Variants in ACSM1 observed in about 807,000 individuals in gnomAD.
ACSM1 encodes the protein acyl-CoA synthetase medium chain family member 1, also known as acyl-coenzyme A synthetase ACSM1, mitochondrial.
A neutral mutation model predicts 75.8 loss-of-function variants in ACSM1; 79 were observed. The observed-to-expected ratio is 1.04, with a 90% CI of 0.87 to 1.26. The LOEUF (loss-of-function observed/expected upper bound fraction) is 1.26, where lower values mean the gene tolerates loss of function less well. Ranked by LOEUF, ACSM1 falls within the 50% of genes most tolerant of loss-of-function variation. The probability of loss-of-function intolerance (pLI) is 0.00; values close to 1 mark genes in which losing one functional copy is unlikely to be tolerated. For synonymous variants in ACSM1, 279 were observed against 265.8 expected (o/e 1.05, Z -0.48); for missense variants, 676 against 720.1 (o/e 0.94, Z 0.70).
chr16:20,639,607 T>C (rs1367066104), intron 8 of ACSM1, among the ~76,000 whole-genome samples: 1 of 152,230 alleles, frequency 6.6e-6, no homozygotes, highest in East Asian at 1.9e-4. Context: ...TTTAAGCACA[T>C]TAGTCCCTTG....
At position 20,627,184 on chromosome 16, in the gene ACSM1, C is replaced by T. The variant is rs1235345569; in HGVS notation, c.1427+5G>A. The T allele has an allele frequency of 2.0e-6, 3 of 1,536,922 alleles. No individual in the cohort carries two copies. Among genetic ancestry groups the T allele is most frequent in the Non-Finnish European group, 2.6e-6 (3 of 1,149,514 alleles). The stretch of plus-strand genomic sequence containing the variant: ...AACAGCCAGCCCAGCATCAGCCACA[C>T]CTACCCAGAGGCATTAATGATGTCA... On this transcript the variant is annotated splice_donor_5th_base_variant and intron_variant, in intron 11 of 13. Coordinates refer to ENST00000520010, the MANE Select transcript of ACSM1 (RefSeq NM_001318890.3).
intron 5 of ACSM1, 138 bp from the exon 6 acceptor site, chr16:20,670,124 C>T (rs2019814722): frequency 1.3e-6 from 1 of 779,898 alleles, no homozygotes; most frequent in African/African-American, 1.8e-5. Flanking sequence ...ATACCACCCT[C>T]AGGCCAGGTC....
chr16:20,680,960 T>G (rs1198483194), intron 4 of ACSM1: 1 of 152,168 alleles, frequency 6.6e-6, no homozygotes, highest in Non-Finnish European at 1.5e-5. Flanking sequence ...ATCCAGTTGA[T>G]GATGAAAATA....
At chr16:20,685,536 A>G (rs1042014410) in intron 2 of ACSM1, 133 bp from the exon 3 acceptor site, 3 of 853,278 alleles carry the variant, frequency 3.5e-6, no homozygotes, top group Non-Finnish European at 5.7e-6. Flanking sequence ...TAAAACATTT[A>G]TACAGCCAGG....
intron 7 of ACSM1, among the ~76,000 whole-genome samples, chr16:20,645,453 A>G (rs1368173822): frequency 2.0e-5 from 3 of 152,194 alleles, no homozygotes; most frequent in African/African-American, 4.8e-5. Context: ...TTTCCCTCTC[A>G]GACTTGAAAC....
chr16:20,668,959 AAT>A (rs2019723844), intron 6 of ACSM1, among the ~76,000 whole-genome samples: 1 of 152,164 alleles, frequency 6.6e-6, no homozygotes. Context: ...ATTAAAGATT[AAT>A]AAAGAAATGC....
intron 7 of ACSM1, among the ~76,000 whole-genome samples, chr16:20,641,676 C>G (rs1191905513): frequency 6.6e-6 from 1 of 152,206 alleles, no homozygotes; most frequent in East Asian, 1.9e-4. Flanking sequence ...CCCCCTGGTC[C>G]CACTTTACTT....
chr16:20,669,753 T>G (rs912741443), intron 6 of ACSM1, 74 bp downstream of exon 6: 7 of 1,487,096 alleles, frequency 4.7e-6, no homozygotes, highest in Non-Finnish European at 6.4e-6. Context: ...TAATAAAATA[T>G]TTTTTTAGCA....
At chr16:20,650,100 A>G (rs1371474283) in intron 7 of ACSM1, among the ~76,000 whole-genome samples, 1 of 152,116 alleles carries the variant, frequency 6.6e-6, no homozygotes, top group Admixed American at 6.6e-5. Flanking sequence ...TGAACCCCAG[A>G]CTTCCCTTTG....
intron 6 of ACSM1, 74 bp downstream of exon 6, chr16:20,669,753 T>A: frequency 6.7e-7 from 1 of 1,487,214 alleles, no homozygotes; most frequent in South Asian, 1.2e-5. Context: ...TAATAAAATA[T>A]TTTTTTAGCA....
At chr16:20,631,403 C>G (rs1414061433) in intron 10 of ACSM1, among the ~76,000 whole-genome samples, 2 of 152,314 alleles carry the variant, frequency 1.3e-5, no homozygotes, top group South Asian at 2.1e-4. Flanking sequence ...TGTGGGAACA[C>G]TTTTACACTG....
chr16:20,663,264 G>A (rs148466257), intron 6 of ACSM1, among the ~76,000 whole-genome samples: 12 of 152,202 alleles, frequency 7.9e-5, no homozygotes, highest in East Asian at 1.9e-4. Flanking sequence ...ATGCTAAACC[G>A]TCACAGTTAT....
intron 1 of ACSM1, among the ~76,000 whole-genome samples, chr16:20,692,478 G>T (rs1009714258): frequency 6.6e-6 from 1 of 152,170 alleles, no homozygotes; most frequent in African/African-American, 2.4e-5. Context: ...TTAAGGTAAA[G>T]CTTTGTGGAG....
At chr16:20,655,849 C>T (rs1228202982) in intron 7 of ACSM1, among the ~76,000 whole-genome samples, 2 of 151,976 alleles carry the variant, frequency 1.3e-5, no homozygotes, top group African/African-American at 4.8e-5. Context: ...TTTTAGTAGA[C>T]ATGGAGTTTC....
chr16:20,693,058 T>TACTG (rs925726002), intron 1 of ACSM1, among the ~76,000 whole-genome samples: 14 of 151,732 alleles, frequency 9.2e-5, no homozygotes, highest in African/African-American at 3.4e-4. Flanking sequence ...TAGTCCCAGC[T>TACTG]ACTGGTGAGG....
chr16:20,627,146 A>C, intron 11 of ACSM1, 43 bp downstream of exon 11: 2 of 1,490,636 alleles, frequency 1.3e-6, no homozygotes, highest in Non-Finnish European at 1.8e-6. Flanking sequence ...TCCGTGAGGC[A>C]TGTGACGGCA....
intron 7 of ACSM1, among the ~76,000 whole-genome samples, chr16:20,649,907 C>T (rs538401341): frequency 6.5e-4 from 99 of 152,260 alleles, no homozygotes; most frequent in Non-Finnish European, 9.9e-4. Flanking sequence ...CAGAATAAAT[C>T]TTTAAACATA....
At chr16:20,673,064 G>GAT (rs927740708) in intron 4 of ACSM1, among the ~76,000 whole-genome samples, 1 of 143,578 alleles carries the variant, frequency 7.0e-6, no homozygotes, top group African/African-American at 2.6e-5. Flanking sequence ...ATAATTATAT[G>GAT]ATATATATAC....
chr16:20,695,872 TA>T (rs1468031058), intron 1 of ACSM1, among the ~76,000 whole-genome samples: 3 of 152,218 alleles, frequency 2.0e-5, no homozygotes, highest in Non-Finnish European at 4.4e-5. Context: ...ACTATCTGTG[TA>T]TATCTATACA....
Sources: gnomAD v4.1 joint callset for allele counts (sites outside exome capture counted in the v4.1 genomes callset) on GRCh38, gnomAD v4.1.1 for gene constraint, MANE v1.5 for transcripts, NCBI Gene and HGNC (gene_info 2026-07-23, HGNC 2026-07-21) for gene names.